Variants in HDAC9 observed in about 807,000 individuals in gnomAD.
HDAC9 encodes MEF-2 interacting transcription repressor (MITR) protein.
In HDAC9, 41 loss-of-function variants were observed where a neutral mutation model predicts 139.4. That is an observed-to-expected ratio of 0.29 (90% CI 0.23 to 0.38). The LOEUF (loss-of-function observed/expected upper bound fraction) is 0.38, where lower values mean the gene tolerates loss of function less well. Among genes scored for constraint, HDAC9 ranks in the 10% least tolerant of loss-of-function variants. The pLI is 1.00. For synonymous variants in HDAC9, 517 were observed against 476.2 expected, an observed-to-expected ratio of 1.09 and a Z score of -1.12; for missense variants, 1,147 against 1,297.0, an observed-to-expected ratio of 0.88 and a Z score of 1.78.
chr7:18,966,343 C>G (rs1020262198), intron 24 of HDAC9, among the ~76,000 whole-genome samples: 3 of 152,164 alleles, frequency 2.0e-5, no homozygotes, highest in African/African-American at 7.2e-5. Flanking sequence ...ACATTGCTGC[C>G]ACTTGGCACA....
intron 2 of HDAC9, among the ~76,000 whole-genome samples, chr7:18,528,277 G>A (rs1413274534): frequency 6.6e-6 from 1 of 150,726 alleles, no homozygotes. Context: ...AAATTAGGTC[G>A]AATTAATTTG....
intron 1 of HDAC9, among the ~76,000 whole-genome samples, chr7:18,396,088 C>CCTTCCCTTCCCTTCG (rs1787011728): frequency 5.4e-5 from 6 of 111,352 alleles, no homozygotes; most frequent in African/African-American, 2.2e-4. Flanking sequence ...CATTCCCTTC[C>CCTTCCCTTCCCTTCG]CTTCCCTTCC....
At chr7:18,222,498 A>G (rs896027428) in intron 2 of HDAC9, among the ~76,000 whole-genome samples, 1 of 152,074 alleles carries the variant, frequency 6.6e-6, no homozygotes, top group Admixed American at 6.6e-5. Context: ...TTTTCTTATT[A>G]TAAAAGGAAT....
intron 8 of HDAC9, among the ~76,000 whole-genome samples, 182 bp downstream of exon 8, chr7:18,634,924 T>A (rs569164069): frequency 6.6e-6 from 1 of 152,244 alleles, no homozygotes; most frequent in South Asian, 2.1e-4. Flanking sequence ...ATGTAAATAT[T>A]ATAAACCTAT....
At chr7:18,562,151 A>C (rs570848994) in intron 2 of HDAC9, among the ~76,000 whole-genome samples, 9 of 152,198 alleles carry the variant, frequency 5.9e-5, no homozygotes, top group African/African-American at 2.2e-4. Flanking sequence ...ATGTCTTTTC[A>C]AGTTCTTTGT....
At chr7:18,585,743 G>T (rs950582563) in intron 3 of HDAC9, among the ~76,000 whole-genome samples, 3 of 151,992 alleles carry the variant, frequency 2.0e-5, no homozygotes, top group African/African-American at 7.2e-5. Flanking sequence ...TTAGCACATA[G>T]AATCAATAGC....
At chr7:18,246,717 C>G (rs1794561423) in intron 2 of HDAC9, among the ~76,000 whole-genome samples, 1 of 152,028 alleles carries the variant, frequency 6.6e-6, no homozygotes, top group Non-Finnish European at 1.5e-5. Flanking sequence ...GACTTTTACT[C>G]TGAACAAAAT....
At chr7:18,683,268 G>A (rs926761488) in intron 12 of HDAC9, among the ~76,000 whole-genome samples, 1 of 151,018 alleles carries the variant, frequency 6.6e-6, no homozygotes, top group African/African-American at 2.5e-5. Flanking sequence ...TTTGCACATT[G>A]TCCTAAAATT....
intron 1 of HDAC9, among the ~76,000 whole-genome samples, chr7:18,306,968 C>T (rs1226898298): frequency 6.6e-6 from 1 of 152,096 alleles, no homozygotes; most frequent in Non-Finnish European, 1.5e-5. Context: ...TCACTTCTCT[C>T]GTGGACCTCA....
intron 2 of HDAC9, among the ~76,000 whole-genome samples, chr7:18,235,040 G>A (rs565320588): frequency 2.1e-4 from 32 of 152,136 alleles, no homozygotes; most frequent in African/African-American, 7.7e-4. Context: ...CAGAGCTCTT[G>A]TTCAGATTCT....
chr7:18,416,653 C>T (rs1789095160), intron 1 of HDAC9, among the ~76,000 whole-genome samples: 1 of 151,488 alleles, frequency 6.6e-6, no homozygotes, highest in African/African-American at 2.4e-5. Flanking sequence ...AAGAGTTTGT[C>T]CTCTTCAAGT....
chr7:18,728,201 G>T (rs1456277260), intron 13 of HDAC9, among the ~76,000 whole-genome samples: 3 of 152,014 alleles, frequency 2.0e-5, no homozygotes, highest in Admixed American at 6.6e-5. Context: ...CCATGCAAAT[G>T]ACTCATGGGA....
chr7:18,574,548 C>A (rs116312299), intron 2 of HDAC9, among the ~76,000 whole-genome samples: 3,490 of 152,190 alleles, frequency 0.023, 113 homozygotes, highest in African/African-American at 0.079. Context: ...CACCAGGTAC[C>A]CTCCCCTTTC....
At chr7:18,982,129 A>C (rs1166721668) in intron 25 of HDAC9, among the ~76,000 whole-genome samples, 1 of 152,124 alleles carries the variant, frequency 6.6e-6, no homozygotes, top group Admixed American at 6.5e-5. Flanking sequence ...ACAAGACAAT[A>C]ACTTGAGACA....
At chr7:18,161,250 C>T (rs1787609376) in intron 1 of HDAC9, among the ~76,000 whole-genome samples, 1 of 152,050 alleles carries the variant, frequency 6.6e-6, no homozygotes, top group South Asian at 2.1e-4. Flanking sequence ...TATAGGTATT[C>T]TTGGTGATGT....
At chr7:18,756,465 T>C (rs1410660093) in intron 14 of HDAC9, among the ~76,000 whole-genome samples, 4 of 152,236 alleles carry the variant, frequency 2.6e-5, no homozygotes, top group African/African-American at 7.2e-5. Context: ...CTGGACTCCT[T>C]TTGAAAATCC....
chr7:18,967,496 G>GCCCC (rs144020619), intron 24 of HDAC9, among the ~76,000 whole-genome samples: 52 of 104,768 alleles, frequency 5.0e-4, no homozygotes, highest in African/African-American at 2.0e-3. Context: ...AAATAAAGTT[G>GCCCC]CCCCCCCCCC....
chr7:18,731,763 T>G (rs1275345348), intron 13 of HDAC9, among the ~76,000 whole-genome samples: 1 of 152,038 alleles, frequency 6.6e-6, no homozygotes, highest in Non-Finnish European at 1.5e-5. Context: ...GTAGCTGGGA[T>G]TACAGTCATG....
intron 1 of HDAC9, among the ~76,000 whole-genome samples, chr7:18,148,660 A>G (rs1786528587): frequency 6.6e-6 from 1 of 151,938 alleles, no homozygotes; most frequent in Non-Finnish European, 1.5e-5. Flanking sequence ...GGATTTCACC[A>G]TGTTGGCCAG....
Sources: gnomAD v4.1 joint callset for allele counts (sites outside exome capture counted in the v4.1 genomes callset) on GRCh38, gnomAD v4.1.1 for gene constraint, MANE v1.5 for transcripts, NCBI Gene and HGNC (gene_info 2026-07-23, HGNC 2026-07-21) for gene names.